PRPSAP1: variants seen among roughly 807,000 people sequenced by gnomAD.
The protein encoded by PRPSAP1 is phosphoribosyl pyrophosphate synthase-associated protein 1.
Under a neutral mutation model 39.4 loss-of-function variants are expected in PRPSAP1, and 31 were observed. The ratio of observed to expected loss-of-function variants is 0.79; its 90% CI spans 0.59 to 1.06. The LOEUF (loss-of-function observed/expected upper bound fraction) is 1.06, where lower values mean the gene tolerates loss of function less well. PRPSAP1 is among the 50% of genes least tolerant of loss of function. The pLI, the probability that PRPSAP1 is intolerant of heterozygous loss-of-function variation, is 0.00. For missense variants in PRPSAP1, 430 were observed against 511.6 expected, an observed-to-expected ratio of 0.84 and a Z score of 1.54; for synonymous variants, 212 against 192.6, an observed-to-expected ratio of 1.10 and a Z score of -0.83.
chr17:76,328,896 G>A (rs1244296140), intron 6 of PRPSAP1, 34 bp from the exon 7 acceptor site: 2 of 1,580,608 alleles, frequency 1.3e-6, no homozygotes, highest in Non-Finnish European at 1.7e-6. Context: ...GAAACTGACA[G>A]GAAGAAATCC....
Position 76,340,651 on chromosome 17 carries a change from G to A in PRPSAP1, c.290+4020C>T, listed in dbSNP as rs149321686. On this transcript the variant is annotated intron_variant, in intron 3 of 9. Transcript: ENST00000446526. Reference sequence around the variant, plus strand: ...CGCGCCTGTAATGCCAGCACTTTGGGAGGCCGAGGCGGGCAGATCACTTGA... The same window carrying A: ...CGCGCCTGTAATGCCAGCACTTTGGAAGGCCGAGGCGGGCAGATCACTTGA... 9.7e-3 allele frequency among the ~76,000 whole-genome samples: 1,454 copies of A among 150,538 alleles called. 49 individuals are homozygous for A. Among genetic ancestry groups the A allele is most frequent in the African/African-American group, 0.035 (1,390 of 39,916 alleles).
At chr17:76,324,362 G>A (rs1417179673) in intron 7 of PRPSAP1, among the ~76,000 whole-genome samples, 1 of 152,070 alleles carries the variant, frequency 6.6e-6, no homozygotes, top group African/African-American at 2.4e-5. Context: ...ACTTTGGGAG[G>A]CTAAGGCGGG....
At position 76,312,894 on chromosome 17, in the gene PRPSAP1, C is replaced by A; in HGVS notation, c.975G>T (p.Leu325=). ...CCTCGTCTACGGAGGACTCCTCAAT[C>A]AGGCGAGGGGCCTCTGCAGACAGGA... ...HGILSAEAPR[L]IEESSVDEVV... is the part of the protein sequence containing the mutation. The change falls in exon 9 of 10, where the codon CTG becomes CTT. Residue 325 remains leucine, a synonymous_variant. Transcript: ENST00000446526. The A allele has an allele frequency of 6.2e-7, 1 of 1,613,448 alleles. No homozygotes were observed. The highest frequency in any genetic ancestry group is 8.5e-7 in the Non-Finnish European group (1 of 1,179,754).
chr17:76,319,073 G>T (rs957058247), intron 7 of PRPSAP1, among the ~76,000 whole-genome samples: 1 of 151,928 alleles, frequency 6.6e-6, no homozygotes, highest in Non-Finnish European at 1.5e-5. Context: ...CCAAGTAGCT[G>T]GGATTACAGA....
At chr17:76,324,184 G>A (rs972450932) in intron 7 of PRPSAP1, among the ~76,000 whole-genome samples, 4 of 151,320 alleles carry the variant, frequency 2.6e-5, no homozygotes, top group Admixed American at 6.6e-5. Flanking sequence ...TAGGTAAAAT[G>A]CTATCAAACA....
At chr17:76,347,979 G>T (rs903474948) in intron 2 of PRPSAP1, among the ~76,000 whole-genome samples, 1 of 152,148 alleles carries the variant, frequency 6.6e-6, no homozygotes, top group African/African-American at 2.4e-5. Flanking sequence ...CAGCCTACAG[G>T]GTAGGAGTAA....
chr17:76,322,949 G>A (rs1011645060), intron 7 of PRPSAP1, among the ~76,000 whole-genome samples: 3 of 152,036 alleles, frequency 2.0e-5, no homozygotes, highest in East Asian at 1.9e-4. Flanking sequence ...AGCAGTGATC[G>A]CACCACTGCA....
At chr17:76,319,916 G>A (rs2071170920) in intron 7 of PRPSAP1, among the ~76,000 whole-genome samples, 1 of 152,118 alleles carries the variant, frequency 6.6e-6, no homozygotes. Context: ...CATGCCAAAA[G>A]AACACAGGAG....
At chr17:76,334,942 T>C (rs1479785505) in intron 3 of PRPSAP1, among the ~76,000 whole-genome samples, 3 of 152,142 alleles carry the variant, frequency 2.0e-5, no homozygotes, top group Non-Finnish European at 2.9e-5. Flanking sequence ...GGGGGCAACT[T>C]GAGGCAAGCA....
intron 3 of PRPSAP1, among the ~76,000 whole-genome samples, chr17:76,340,613 T>C (rs2071425345): frequency 6.7e-6 from 1 of 149,390 alleles, no homozygotes; most frequent in East Asian, 1.9e-4. Context: ...ATGAACGGCC[T>C]CGCACGGTGG....
At chr17:76,347,816 CAG>C (rs1418595548) in intron 2 of PRPSAP1, among the ~76,000 whole-genome samples, 1 of 151,982 alleles carries the variant, frequency 6.6e-6, no homozygotes, top group Non-Finnish European at 1.5e-5. Context: ...TAAGTGGGAG[CAG>C]CAGAGGTTGT....
At chr17:76,344,416 A>G (rs1001942397) in intron 3 of PRPSAP1, among the ~76,000 whole-genome samples, 1 of 152,158 alleles carries the variant, frequency 6.6e-6, no homozygotes, top group African/African-American at 2.4e-5. Flanking sequence ...GGCGTGAGCC[A>G]TCGTGCCCAG....
chr17:76,312,190 T>C (rs545668532), intron 9 of PRPSAP1, among the ~76,000 whole-genome samples: 109 of 152,254 alleles, frequency 7.2e-4, no homozygotes, highest in Non-Finnish European at 1.4e-3. Flanking sequence ...CTTGTAATCC[T>C]AGCACTTTGG....
At position 76,330,614 on chromosome 17, in the gene PRPSAP1, A is replaced by C. The variant is rs750050929; in HGVS notation, c.516T>G (p.Phe172Leu). 1 of 1,613,500 alleles carries C rather than the reference A, an allele frequency of 6.2e-7. No individual in the cohort carries two copies. The highest frequency in any genetic ancestry group is 1.1e-5 in the South Asian group (1 of 90,998). ...TAAGGTTGTCCACAGGAAAGCTGAA[A>C]AAGCCTTGTATTTCCTTTTGATGAA... The part of the protein sequence containing the change: ...MDLHQKEIQG[F>L]FSFPVDNLRA... The change falls in exon 5 of 10, where the codon TTT becomes TTG. Residue 172 changes from phenylalanine to leucine, a missense_variant. Coordinates refer to ENST00000446526, the MANE Select transcript of PRPSAP1 (RefSeq NM_002766.3).
chr17:76,323,721 T>C (rs548785884), intron 7 of PRPSAP1, among the ~76,000 whole-genome samples: 24 of 152,206 alleles, frequency 1.6e-4, no homozygotes, highest in African/African-American at 5.8e-4. Context: ...TTTTTGTTTT[T>C]TTTTTTGAGA....
intron 1 of PRPSAP1, 120 bp downstream of exon 1, chr17:76,353,414 G>C: frequency 2.0e-6 from 2 of 1,019,366 alleles, no homozygotes; most frequent in East Asian, 3.3e-5. Flanking sequence ...GGCTGGGAAG[G>C]CCCGCGCCTC....
At chr17:76,320,655 G>A (rs532737875) in intron 7 of PRPSAP1, among the ~76,000 whole-genome samples, 31 of 149,554 alleles carry the variant, frequency 2.1e-4, no homozygotes, top group African/African-American at 4.4e-4. Flanking sequence ...GGCTGGTCTC[G>A]AACTCCTGAC....
Position 76,353,866 on chromosome 17 carries a change from C to CA in PRPSAP1, c.-164dup. 7.5e-7 allele frequency: 1 copy of CA among 1,328,034 alleles called. No homozygotes were observed. The highest frequency in any genetic ancestry group is 9.6e-7 in the Non-Finnish European group (1 of 1,044,188). 82.3% of individuals were successfully genotyped at this position (1,328,034 alleles called of 1,614,324 possible). On this transcript the variant is annotated 5_prime_UTR_variant, in exon 1 of 10. Coordinates refer to ENST00000446526, the MANE Select transcript of PRPSAP1 (RefSeq NM_002766.3). Reference sequence around the variant, plus strand: ...CTTGCGCACCCCACACCACTGACTACAGCGGCCGAGCCTTCGCAGCGCCCG... The same window carrying CA: ...CTTGCGCACCCCACACCACTGACTACAAGCGGCCGAGCCTTCGCAGCGCCCG...
chr17:76,338,180 A>G (rs2071398563), intron 3 of PRPSAP1, among the ~76,000 whole-genome samples: 1 of 152,168 alleles, frequency 6.6e-6, no homozygotes, highest in Non-Finnish European at 1.5e-5. Context: ...AATATGCTGC[A>G]AGTTTGGAAG....
Sources: allele counts gnomAD v4.1 joint callset (sites outside exome capture counted in the v4.1 genomes callset), GRCh38; gene constraint gnomAD v4.1.1; transcripts MANE v1.5; gene names NCBI Gene and HGNC (gene_info 2026-07-23, HGNC 2026-07-21).